The following GEMIN4 variants were observed in gnomAD, a reference collection of about 807,000 sequenced individuals.
GEMIN4 encodes gem-associated protein 4.
A neutral mutation model predicts 76.8 loss-of-function variants in GEMIN4; 59 were observed. The observed-to-expected ratio is 0.77, with a 90% CI of 0.62 to 0.95. The LOEUF is 0.95. Ranked by LOEUF, GEMIN4 falls within the 40% of genes least tolerant of loss-of-function variation. GEMIN4 has a pLI of 0.00. For synonymous variants in GEMIN4, 562 were observed against 559.7 expected (o/e 1.00, Z -0.06); for missense variants, 1,311 against 1,318.9 (o/e 0.99, Z 0.09).
In GEMIN4 at chr17:745,951, G is replaced by A. The variant is rs767196443; in HGVS notation, c.2092C>T (p.Leu698Phe). ...WLQTCSPFPLLFSLCQLLDRF... is the reference protein window; with the variant it reads ...WLQTCSPFPLFFSLCQLLDRF... Reference sequence around the variant, plus strand: ...TCCAAGAGCTGGCACAAGCTGAAGAGGAGTGGAAACGGGGAGCAGGTCTGG... The same window carrying A: ...TCCAAGAGCTGGCACAAGCTGAAGAAGAGTGGAAACGGGGAGCAGGTCTGG... Residue 698 changes from leucine to phenylalanine, a missense_variant, in exon 2 of 2, where the codon CTC (leucine) becomes TTC (phenylalanine). Leu to Phe is a conservative substitution (Grantham distance 22). This residue lies in a region of GEMIN4 where 1,208 missense variants were observed against 1,166.9 expected (regional missense o/e 1.04). Transcript: ENST00000319004. The surrounding 1 kb of genome is among the most constrained non-coding windows in gnomAD (Gnocchi z 4.6). The A allele has an allele frequency of 6.2e-7, 1 of 1,613,164 alleles. No homozygotes were observed. The highest frequency in any genetic ancestry group is 8.5e-7 in the Non-Finnish European group (1 of 1,179,852).
chr17:745,746 A>G lies in GEMIN4; in HGVS notation c.2297T>C (p.Leu766Pro). 1 of 1,609,686 alleles carries G rather than the reference A, an allele frequency of 6.2e-7. No homozygotes were observed. The highest frequency in any genetic ancestry group is 8.5e-7 in the Non-Finnish European group (1 of 1,178,108). The change falls in exon 2 of 2, where the codon CTA (leucine) becomes CCA (proline). Residue 766 changes from leucine (L) to proline (P), a missense_variant. Coordinates refer to ENST00000319004, the MANE Select transcript of GEMIN4 (RefSeq NM_015721.3). The surrounding 1 kb of genome is among the most constrained non-coding windows in gnomAD (Gnocchi z 4.6). Reference sequence around the variant, plus strand: ...CAGCCTCAGGCCCACAGTCCAGTCTAGCTGTTCTAACTTGCGGTGGAGCCA... The same window carrying G: ...CAGCCTCAGGCCCACAGTCCAGTCTGGCTGTTCTAACTTGCGGTGGAGCCA... ...LSWLHRKLEQ[L>P]DWTVGLRLKS...
At position 746,141 on chromosome 17, in the gene GEMIN4, G is replaced by A. The variant is rs200492563; in HGVS notation, c.1902C>T (p.Pro634=). 4.5e-4 allele frequency: 725 copies of A among 1,613,924 alleles called. 7 individuals carry two copies. In the African/African-American group the frequency reaches 8.4e-3, roughly 19 times the overall value. Residue 634 remains proline, a synonymous_variant, in exon 2 of 2, where the codon CCC becomes CCT. Coordinates refer to ENST00000319004, the MANE Select transcript of GEMIN4 (RefSeq NM_015721.3). The surrounding 1 kb of genome is among the most constrained non-coding windows in gnomAD (Gnocchi z 4.3). ...FLELLNCLMS[P]VKPQGIPVAA... ...CCACTGGAATCCCTTGGGGTTTCAC[G>A]GGACTCATCAGGCAGTTCAGGAGCT...
Position 745,746 on chromosome 17 carries a change from A to T in GEMIN4, c.2297T>A (p.Leu766Gln), listed in dbSNP as rs767834385. 2.1e-5 allele frequency: 34 copies of T among 1,609,568 alleles called. No homozygotes were observed. In the South Asian group the frequency reaches 3.5e-4, roughly 17 times the overall value. The change falls in exon 2 of 2, where the codon CTA becomes CAA. Residue 766 changes from leucine to glutamine, a missense_variant. Transcript: ENST00000319004. The surrounding 1 kb of genome is among the most constrained non-coding windows in gnomAD (Gnocchi z 4.6). ...CAGCCTCAGGCCCACAGTCCAGTCT[A>T]GCTGTTCTAACTTGCGGTGGAGCCA... ...LSWLHRKLEQ[L>Q]DWTVGLRLKS... is the part of the protein sequence containing the mutation.
Position 747,746 on chromosome 17 carries a change from C to T in GEMIN4, c.297G>A (p.Ser99=), listed in dbSNP as rs370552236. 27 of 1,613,574 alleles carry T rather than the reference C, an allele frequency of 1.7e-5. No homozygotes were observed. Among genetic ancestry groups the T allele is most frequent in the Middle Eastern group, 1.6e-4 (1 of 6,084 alleles). ...ETRWQEDLFF[S]VGNMIPTINH... Reference sequence around the variant, plus strand: ...TGATGGTGGGGATCATGTTGCCCACCGAGAAGAACAGGTCTTCCTGCCACC... The same window carrying T: ...TGATGGTGGGGATCATGTTGCCCACTGAGAAGAACAGGTCTTCCTGCCACC... Residue 99 remains serine (S), a synonymous_variant, in exon 2 of 2, where the codon TCG becomes TCA. Coordinates refer to ENST00000319004, the MANE Select transcript of GEMIN4 (RefSeq NM_015721.3).
rs976247362 is a variant in GEMIN4, at chr17:752,236, G to A, written c.-94C>T. ...ACGCACGGCACGATGGGAGACGCAG[G>A]AGCCACGGCGGCCGCGCTTAGGCCT... On this transcript the variant is annotated 5_prime_UTR_variant, in exon 1 of 2. Transcript: ENST00000319004. 1.1e-5 allele frequency: 14 copies of A among 1,228,554 alleles called. No homozygotes were observed. The highest frequency in any genetic ancestry group is 4.1e-5 in the South Asian group (1 of 24,248). 76.1% of individuals were successfully genotyped at this position (1,228,554 alleles called of 1,614,324 possible). A position where few individuals can be genotyped will look rare whatever the true frequency, so the allele number is the denominator to read the frequency against.
upstream of GEMIN4, chr17:752,730 A>C: frequency 3.5e-6 from 2 of 566,964 alleles, no homozygotes; most frequent in South Asian, 7.5e-5. Flanking sequence ...GAGCCCAAAC[A>C]TGGTGGGGTT....
intron 1 of GEMIN4, chr17:748,679 C>T: frequency 4.3e-6 from 1 of 234,116 alleles, no homozygotes; most frequent in South Asian, 4.6e-5. Flanking sequence ...AGCAATCACA[C>T]AGCCACAGGG....
In GEMIN4 at chr17:745,401, T is replaced by A; in HGVS notation, c.2642A>T (p.Glu881Val). Reference sequence around the variant, plus strand: ...ATAAGGGACATGGAGGAGCTGCTTCTCCAGCAGTCTCCTGGTCAGCTGGTG... The same window carrying A: ...ATAAGGGACATGGAGGAGCTGCTTCACCAGCAGTCTCCTGGTCAGCTGGTG... The part of the protein sequence containing the change: ...RLHQLTRRLL[E>V]KQLLHVPYSL... The change falls in exon 2 of 2, where the codon GAG (glutamate) becomes GTG (valine). Residue 881 changes from glutamate (E) to valine (V), a missense_variant. Physicochemically the swap from Glu to Val is moderately radical, Grantham distance 121. Transcript: ENST00000319004. The surrounding 1 kb of genome is among the most constrained non-coding windows in gnomAD (Gnocchi z 4.6). The A allele has an allele frequency of 6.2e-7, 1 of 1,613,012 alleles. No homozygotes were observed. The highest frequency in any genetic ancestry group is 8.5e-7 in the Non-Finnish European group (1 of 1,179,804).
In GEMIN4 at chr17:747,631, G is replaced by GA. The variant is rs1904330378; in HGVS notation, c.411_412insT (p.His138SerfsTer14). ...TCCAGAAAGCGCTCTAGTTCTGCAT[G>GA]GCAGATGGTGGTGGGCAGGGCCATC... On this transcript the variant is annotated frameshift_variant, in exon 2 of 2. Transcript: ENST00000319004. LOFTEE classifies it high-confidence loss of function. 4 of 1,614,006 alleles carry GA rather than the reference G, an allele frequency of 2.5e-6. No homozygotes were observed. The highest frequency in any genetic ancestry group is 3.4e-6 in the Non-Finnish European group (4 of 1,179,892).
chr17:745,169 C>T lies in GEMIN4; in HGVS notation c.2874G>A (p.Gln958=). 1 of 1,605,412 alleles carries T rather than the reference C, an allele frequency of 6.2e-7. No homozygotes were observed. Among genetic ancestry groups the T allele is most frequent in the South Asian group, 1.1e-5 (1 of 89,808 alleles). The change falls in exon 2 of 2, where the codon CAG becomes CAA. Residue 958 remains glutamine, a synonymous_variant. Transcript: ENST00000319004. The surrounding 1 kb of genome is among the most constrained non-coding windows in gnomAD (Gnocchi z 4.6). The part of the protein sequence containing the change: ...TRLLDSVRAI[Q]AAGPWVQGPE... ...GTCCTTGAACCCAAGGGCCAGCTGC[C>T]TGTATCGCCCTGACTGAGTCCAGGA...
chr17:745,081 G>A lies in GEMIN4; in HGVS notation c.2962C>T (p.His988Tyr), dbSNP rs771783622. Residue 988 changes from histidine (H) to tyrosine (Y), a missense_variant, in exon 2 of 2, where the codon CAC (histidine) becomes TAC (tyrosine). By Grantham distance (83) the His-to-Tyr change is moderately conservative (BLOSUM62 2). Around this residue, in one of 2 missense-constraint regions of GEMIN4, gnomAD observed 1,208 missense variants for 1,166.9 expected, o/e 1.04. Transcript: ENST00000319004. The surrounding 1 kb of genome is among the most constrained non-coding windows in gnomAD (Gnocchi z 4.6). ...VYTQVFCHAL[H>Y]IMAMLHPEVC... ...TCCGGGTGGAGCATGGCCATGATGTGCAGAGCATGGCAGAACACCTGGGTG... is the reference window on the plus strand; with the variant it reads ...TCCGGGTGGAGCATGGCCATGATGTACAGAGCATGGCAGAACACCTGGGTG... 3 of 1,613,340 alleles carry A rather than the reference G, an allele frequency of 1.9e-6. No homozygotes were observed. The highest frequency in any genetic ancestry group is 1.6e-4 in the Middle Eastern group (1 of 6,062).
intron 1 of GEMIN4, among the ~76,000 whole-genome samples, chr17:751,436 G>A (rs1391477913): frequency 1.3e-5 from 2 of 152,044 alleles, no homozygotes; most frequent in Non-Finnish European, 2.9e-5. Context: ...CACATCTCGG[G>A]GTGCCTCACC....
rs1974356515 is a variant in GEMIN4 at position 745,437 on chromosome 17, C to T, written c.2606G>A (p.Trp869Ter). ...QVMPWCSPQEWQRLHQLTRRL... is the reference protein window; with the variant it reads ...QVMPWCSPQE ...CCTGGTCAGCTGGTGAAGGCGCTGC[C>T]ACTCCTGAGGGCTGCACCAAGGCAT... is the stretch of plus-strand genomic sequence containing the variant. Residue 869 changes from tryptophan to a stop codon, truncating the protein, a stop_gained, in exon 2 of 2, where the codon TGG (tryptophan) becomes TAG (stop). Coordinates refer to ENST00000319004, the MANE Select transcript of GEMIN4 (RefSeq NM_015721.3). LOFTEE classifies it high-confidence loss of function. The surrounding 1 kb of genome is among the most constrained non-coding windows in gnomAD (Gnocchi z 4.6). 2 of 1,612,790 alleles carry T rather than the reference C, an allele frequency of 1.2e-6. No individual in the cohort carries two copies. The highest frequency in any genetic ancestry group is 1.7e-6 in the Non-Finnish European group (2 of 1,179,840).
upstream of GEMIN4, chr17:753,985 G>A (rs1048624634): frequency 3.3e-5 from 5 of 152,266 alleles, no homozygotes; most frequent in African/African-American, 9.6e-5. Context: ...GGGAGACCAA[G>A]CTTTCCGTGA....
At chr17:750,554 T>C (rs1289089172) in intron 1 of GEMIN4, among the ~76,000 whole-genome samples, 1 of 152,188 alleles carries the variant, frequency 6.6e-6, no homozygotes, top group Non-Finnish European at 1.5e-5. Context: ...GTATGTTTCC[T>C]TTGGCCCAGA....
chr17:746,327 G>GA lies in GEMIN4; in HGVS notation c.1715dup (p.Gly573ArgfsTer17), dbSNP rs771274075. 3 of 1,613,644 alleles carry GA rather than the reference G, an allele frequency of 1.9e-6. No homozygotes were observed. The East Asian group carries it at 6.7e-5, about 36-fold the overall frequency. On this transcript the variant is annotated frameshift_variant, in exon 2 of 2. Transcript: ENST00000319004. LOFTEE classifies it high-confidence loss of function. This position sits in a 1 kb window ranked among gnomAD's most constrained non-coding sequence, Gnocchi z 4.3. ...TCTGGGCCAGGAACTTGTGGGTGCC[G>GA]AGATTGACCACAGCCAGGCTGCACA...
chr17:753,215 G>T (rs1567783984), upstream of GEMIN4: 1 of 66,038 alleles, frequency 1.5e-5, no homozygotes, highest in Non-Finnish European at 3.1e-5. Context: ...AGGAGCTGAC[G>T]AAGAAGGAAG....
rs1413275448 is a variant in GEMIN4 at position 747,693 on chromosome 17, T to C, written c.350A>G (p.Lys117Arg). 6.2e-7 allele frequency: 1 copy of C among 1,613,406 alleles called. No individual in the cohort carries two copies. Among genetic ancestry groups the C allele is most frequent in the African/African-American group, 1.3e-5 (1 of 74,754 alleles). ...INHTILFELLKSLEASGLFIQ... is the reference protein window; with the variant it reads ...INHTILFELLRSLEASGLFIQ... ...AAAGAGTCCAGAAGCTTCCAGGGATTTGAGCAGCTCGAAGAGGATGGTGTG... is the reference window on the plus strand; with the variant it reads ...AAAGAGTCCAGAAGCTTCCAGGGATCTGAGCAGCTCGAAGAGGATGGTGTG... Residue 117 changes from lysine (K) to arginine (R), a missense_variant, in exon 2 of 2, where the codon AAA (lysine) becomes AGA (arginine). Lys to Arg is a conservative substitution (Grantham distance 26, BLOSUM62 2). Transcript: ENST00000319004.
At chr17:753,754 G>C, upstream of GEMIN4, 1 of 152,354 alleles carries the variant, frequency 6.6e-6, no homozygotes, top group East Asian at 1.9e-4. Flanking sequence ...GGAAGGACGA[G>C]GGGGACAGTG....
Sources: gnomAD v4.1 joint callset for allele counts (sites outside exome capture counted in the v4.1 genomes callset) on GRCh38, gnomAD v4.1.1 for gene constraint, gnomAD v4.1.1 regional missense constraint, Gnocchi (gnomAD v3.1) non-coding constraint, MANE v1.5 for transcripts, NCBI Gene and HGNC (gene_info 2026-07-23, HGNC 2026-07-21) for gene names.